PCDHGA4: variants seen among roughly 807,000 people sequenced by gnomAD.
PCDHGA4 encodes the protein protocadherin gamma-A4.
In PCDHGA4, 38 loss-of-function variants were observed where a neutral mutation model predicts 54.6. The ratio of observed to expected loss-of-function variants is 0.70; its 90% CI spans 0.54 to 0.91. The LOEUF is 0.91. Ranked by LOEUF, PCDHGA4 falls within the 40% of genes least tolerant of loss-of-function variation. The pLI is 0.00. For missense variants in PCDHGA4, 1,298 were observed against 1,220.9 expected, an observed-to-expected ratio of 1.06 and a Z score of -0.94; for synonymous variants, 511 against 512.9, an observed-to-expected ratio of 1.00 and a Z score of 0.05.
rs117560542 is a variant in PCDHGA4 at position 141,375,655 on chromosome 5, G to A, written c.2514+18034G>A. ...CCCTGCGCTCCTTCGACTATGAGCA[G>A]TTGAGAGACCTACAGCTGTGGGTGA... is the stretch of plus-strand genomic sequence containing the variant. On this transcript the variant is annotated intron_variant, in intron 1 of 3. Transcript: ENST00000571252. 2.4e-4 allele frequency: 382 copies of A among 1,614,246 alleles called. 5 individuals are homozygous for A. The East Asian group carries it at 8.3e-3, about 35-fold the overall frequency.
rs2099621975 is a variant in PCDHGA4 at position 141,485,946 on chromosome 5, G to A, written c.2515-8861G>A. ...AGTGTGTTGGAGAGCGCACCAGCGG[G>A]CATGGTGCTCATCCAGCTCAATGCC... On this transcript the variant is annotated intron_variant, in intron 1 of 3. Transcript: ENST00000571252. This position sits in a 1 kb window ranked among gnomAD's most constrained non-coding sequence, Gnocchi z 5.7. The A allele has an allele frequency of 1.2e-6, 2 of 1,614,040 alleles. No homozygotes were observed. The highest frequency in any genetic ancestry group is 2.2e-5 in the East Asian group (1 of 44,884).
At chr5:141,508,538 G>C (rs1383873129) in intron 3 of PCDHGA4, among the ~76,000 whole-genome samples, 1 of 152,120 alleles carries the variant, frequency 6.6e-6, no homozygotes, top group African/African-American at 2.4e-5. Flanking sequence ...CACCCCCCAC[G>C]AGGTGGGCGG....
At chr5:141,426,876 C>T (rs796453479) in intron 1 of PCDHGA4, 2 of 456,726 alleles carry the variant, frequency 4.4e-6, no homozygotes, top group African/African-American at 2.0e-5. Context: ...GGAGAAGCCC[C>T]TGGGCCAGGA....
In PCDHGA4 at chr5:141,486,341, C is replaced by T; in HGVS notation, c.2515-8466C>T. On this transcript the variant is annotated intron_variant, in intron 1 of 3. Coordinates refer to ENST00000571252, the MANE Select transcript of PCDHGA4 (RefSeq NM_018917.4). The surrounding 1 kb of genome is among the most constrained non-coding windows in gnomAD (Gnocchi z 5.0). ...AAACGGAGATGTGAGCCTCCGCATTCCTGACCACTTGCCATTTGCCCTCAA... is the reference window on the plus strand; with the variant it reads ...AAACGGAGATGTGAGCCTCCGCATTTCTGACCACTTGCCATTTGCCCTCAA... The T allele has an allele frequency of 6.2e-7, 1 of 1,614,128 alleles. No individual in the cohort carries two copies. Among genetic ancestry groups the T allele is most frequent in the Non-Finnish European group, 8.5e-7 (1 of 1,179,992 alleles).
At chr5:141,433,694 G>T (rs539494151) in intron 1 of PCDHGA4, among the ~76,000 whole-genome samples, 1 of 152,126 alleles carries the variant, frequency 6.6e-6, no homozygotes, top group South Asian at 2.1e-4. Flanking sequence ...AAAATTAGCC[G>T]GGCGTGGTGG....
intron 1 of PCDHGA4, chr5:141,376,677 T>TTTG: frequency 3.8e-5 from 4 of 105,314 alleles, no homozygotes; most frequent in Non-Finnish European, 3.0e-5. Context: ...GAGGGTATCG[T>TTTG]TTTTTTTTTT....
intron 1 of PCDHGA4, chr5:141,383,386 G>C (rs1199066955): frequency 1.2e-6 from 2 of 1,614,000 alleles, no homozygotes; most frequent in Non-Finnish European, 1.7e-6. Context: ...TCCAGATGTG[G>C]GCACGAACTC....
chr5:141,375,065 C>A, intron 1 of PCDHGA4: 1 of 1,613,932 alleles, frequency 6.2e-7, no homozygotes, highest in Non-Finnish European at 8.5e-7. Flanking sequence ...GCCAGGTCTT[C>A]GAGACAGAGC....
In PCDHGA4 at chr5:141,487,568, C is replaced by T. The variant is rs752378906; in HGVS notation, c.2515-7239C>T. Reference sequence around the variant, plus strand: ...ACCCAGTGCACCTATGGCAGGGGAGCCTGTTCGCCCAAGCTGCCCACCCTC... The same window carrying T: ...ACCCAGTGCACCTATGGCAGGGGAGTCTGTTCGCCCAAGCTGCCCACCCTC... On this transcript the variant is annotated intron_variant, in intron 1 of 3. Transcript: ENST00000571252. This position sits in a 1 kb window ranked among gnomAD's most constrained non-coding sequence, Gnocchi z 5.0. The T allele has an allele frequency of 1.2e-6, 2 of 1,614,180 alleles. No individual in the cohort carries two copies. The highest frequency in any genetic ancestry group is 1.7e-6 in the Non-Finnish European group (2 of 1,180,042).
chr5:141,506,870 G>A (rs2099856877), intron 3 of PCDHGA4, among the ~76,000 whole-genome samples: 1 of 152,166 alleles, frequency 6.6e-6, no homozygotes, highest in East Asian at 1.9e-4. Flanking sequence ...GGTGGGTAGA[G>A]AACCAGGTGA....
chr5:141,479,562 T>G (rs1176956064), intron 1 of PCDHGA4: 2 of 152,218 alleles, frequency 1.3e-5, no homozygotes, highest in Non-Finnish European at 2.9e-5. Flanking sequence ...TATCCAGTAG[T>G]GGGATGACAT....
chr5:141,384,913 T>C, intron 1 of PCDHGA4: 1 of 1,613,988 alleles, frequency 6.2e-7, no homozygotes, highest in Non-Finnish European at 8.5e-7. Context: ...CCCCGAAGTC[T>C]TGGCCGACCT....
intron 1 of PCDHGA4, among the ~76,000 whole-genome samples, chr5:141,451,985 A>G (rs1460304088): frequency 6.6e-6 from 1 of 152,202 alleles, no homozygotes; most frequent in Non-Finnish European, 1.5e-5. Context: ...TAGTTTGTTC[A>G]TTAGAAGCAA....
chr5:141,403,343 C>T (rs774711306), intron 1 of PCDHGA4: 10 of 1,614,000 alleles, frequency 6.2e-6, no homozygotes, highest in Admixed American at 1.7e-5. Context: ...CGACAGCGCC[C>T]CAAAGTTCCA....
intron 1 of PCDHGA4, chr5:141,394,304 G>T (rs1317596371): frequency 1.2e-6 from 2 of 1,613,932 alleles, no homozygotes; most frequent in Admixed American, 1.7e-5. Flanking sequence ...ACACGCTGCA[G>T]GGGGCGCCCC....
intron 1 of PCDHGA4, chr5:141,423,369 A>C: frequency 1.9e-6 from 3 of 1,614,104 alleles, no homozygotes; most frequent in Non-Finnish European, 2.5e-6. Flanking sequence ...TGCTGCTGGC[A>C]CTCAGGCTGT....
At chr5:141,494,075 C>T (rs1482844644) in intron 1 of PCDHGA4, among the ~76,000 whole-genome samples, 7 of 152,322 alleles carry the variant, frequency 4.6e-5, no homozygotes, top group East Asian at 1.9e-4. Context: ...GATCCCTCCC[C>T]GCTGCATCCC....
chr5:141,427,751 C>T (rs778043340), intron 1 of PCDHGA4: 1 of 1,306,072 alleles, frequency 7.7e-7, no homozygotes, highest in South Asian at 1.2e-5. Flanking sequence ...CCTACTCCAT[C>T]GTTACCACTG....
At position 141,409,758 on chromosome 5, in the gene PCDHGA4, C is replaced by A. The variant is rs763902801; in HGVS notation, c.2514+52137C>A. Reference sequence around the variant, plus strand: ...AGCGGGGTGGTGTTCGCGCAGCGCGCCTTTGATCACGAGCAGCTGCGCGCC... The same window carrying A: ...AGCGGGGTGGTGTTCGCGCAGCGCGACTTTGATCACGAGCAGCTGCGCGCC... On this transcript the variant is annotated intron_variant, in intron 1 of 3. Transcript: ENST00000571252. 4 of 1,612,868 alleles carry A rather than the reference C, an allele frequency of 2.5e-6. No homozygotes were observed. In the African/African-American group the frequency reaches 4.0e-5, roughly 16 times the overall value.
Sources: gnomAD v4.1 joint callset for allele counts (sites outside exome capture counted in the v4.1 genomes callset) on GRCh38, gnomAD v4.1.1 for gene constraint, Gnocchi (gnomAD v3.1) non-coding constraint, MANE v1.5 for transcripts, NCBI Gene and HGNC (gene_info 2026-07-23, HGNC 2026-07-21) for gene names.